The following BRD10 variants were observed in gnomAD, a reference collection of about 807,000 sequenced individuals.
BRD10 encodes the protein bromodomain containing 10.
chr9:5,968,504 G>A, the BRD10 span: 12 of 1,612,386 alleles, frequency 7.4e-6, no homozygotes, highest in South Asian at 2.2e-5. Flanking sequence ...AATTTCACAA[G>A]GCCTGCGAAT....
the BRD10 span, among the ~76,000 whole-genome samples, chr9:5,894,416 G>C: frequency 6.6e-6 from 1 of 152,308 alleles, no homozygotes; most frequent in Non-Finnish European, 1.5e-5. The surrounding 1 kb of genome is among the most constrained non-coding windows in gnomAD (Gnocchi z 4.0). Context: ...ACAGAATGCT[G>C]CTTCTACCCC....
the BRD10 span, among the ~76,000 whole-genome samples, chr9:5,902,719 T>C: frequency 4.6e-5 from 7 of 151,910 alleles, no homozygotes; most frequent in Admixed American, 4.6e-4. Flanking sequence ...GTTGCTCTGG[T>C]TGGTCTCAAA....
the BRD10 span, among the ~76,000 whole-genome samples, chr9:5,991,665 C>T: frequency 6.8e-6 from 1 of 147,156 alleles, no homozygotes; most frequent in Non-Finnish European, 1.5e-5. Flanking sequence ...GCGGAGGTTG[C>T]AGTGAGCCAA....
chr9:5,918,673 T>C, the BRD10 span, among the ~76,000 whole-genome samples: 1 of 150,776 alleles, frequency 6.6e-6, no homozygotes, highest in Non-Finnish European at 1.5e-5. Context: ...TTAGTGGCAT[T>C]AGTGGCAAAA....
chr9:5,912,358 G>A, the BRD10 span, among the ~76,000 whole-genome samples: 20 of 151,340 alleles, frequency 1.3e-4, no homozygotes, highest in South Asian at 8.3e-4. Flanking sequence ...TGAATGTCCC[G>A]TCTCTTGTCT....
At chr9:5,960,906 A>G in the BRD10 span, among the ~76,000 whole-genome samples, 1 of 152,218 alleles carries the variant, frequency 6.6e-6, no homozygotes, top group South Asian at 2.1e-4. Context: ...TTTATTGCCC[A>G]AAGATGTTCA....
chr9:5,926,293 G>C, the BRD10 span, among the ~76,000 whole-genome samples: 1 of 152,026 alleles, frequency 6.6e-6, no homozygotes, highest in African/African-American at 2.4e-5. Context: ...TCACTTACCA[G>C]TTGTAAGACT....
At chr9:5,975,825 A>G in the BRD10 span, among the ~76,000 whole-genome samples, 2 of 152,234 alleles carry the variant, frequency 1.3e-5, no homozygotes, top group Non-Finnish European at 1.5e-5. Context: ...TAAAAAATAC[A>G]TTATAAAAAC....
At chr9:5,921,249 T>C in the BRD10 span, 2 of 1,614,002 alleles carry the variant, frequency 1.2e-6, no homozygotes, top group Non-Finnish European at 1.7e-6. Flanking sequence ...GTATTTACAA[T>C]TGCTTGACCT....
At chr9:5,954,851 G>A in the BRD10 span, among the ~76,000 whole-genome samples, 872 of 152,218 alleles carry the variant, frequency 5.7e-3, 8 homozygotes, top group African/African-American at 0.02. Flanking sequence ...AGCACTTTGG[G>A]AGGCCAAGGC....
chr9:5,968,157 A>G, the BRD10 span: 28 of 1,597,834 alleles, frequency 1.8e-5, no homozygotes, highest in Non-Finnish European at 2.3e-5. Context: ...ACATCTTTCA[A>G]TTTCTTTTTT....
the BRD10 span, chr9:5,910,588 C>T: frequency 6.6e-6 from 1 of 152,272 alleles, no homozygotes; most frequent in Non-Finnish European, 1.5e-5. Context: ...CCCTACATCC[C>T]TCCAGAACCC....
the BRD10 span, among the ~76,000 whole-genome samples, chr9:5,887,152 A>T: frequency 6.6e-6 from 1 of 152,124 alleles, no homozygotes. Context: ...CCAGCTACTC[A>T]GGAGGCTGAG....
chr9:5,947,631 A>T, the BRD10 span, among the ~76,000 whole-genome samples: 2 of 152,064 alleles, frequency 1.3e-5, no homozygotes, highest in African/African-American at 2.4e-5. Flanking sequence ...ATATATACCC[A>T]ATATATAGAG....
the BRD10 span, among the ~76,000 whole-genome samples, chr9:5,894,701 G>C: frequency 4.6e-5 from 7 of 152,292 alleles, no homozygotes; most frequent in Admixed American, 4.6e-4. This position sits in a 1 kb window ranked among gnomAD's most constrained non-coding sequence, Gnocchi z 4.0. Context: ...CATTGCTGGG[G>C]TGATCCTGAC....
At chr9:5,990,540 G>A in the BRD10 span, among the ~76,000 whole-genome samples, 1 of 152,094 alleles carries the variant, frequency 6.6e-6, no homozygotes, top group Non-Finnish European at 1.5e-5. Flanking sequence ...AAGTAGATAA[G>A]ATAAAGGTAT....
At chr9:5,973,362 G>C in the BRD10 span, among the ~76,000 whole-genome samples, 3 of 152,156 alleles carry the variant, frequency 2.0e-5, no homozygotes, top group Non-Finnish European at 4.4e-5. Flanking sequence ...AGCTATTTAG[G>C]AGGCTGAGGC....
chr9:5,969,475 G>A, the BRD10 span: 2 of 1,293,594 alleles, frequency 1.5e-6, no homozygotes, highest in Admixed American at 2.9e-5. Flanking sequence ...ATTATTCAGA[G>A]GGTACCATAA....
At chr9:5,985,883 CA>C in the BRD10 span, among the ~76,000 whole-genome samples, 1 of 151,944 alleles carries the variant, frequency 6.6e-6, no homozygotes, top group African/African-American at 2.4e-5. Flanking sequence ...TCTTCTATAA[CA>C]GAAGTACAAG....
Sources: gnomAD v4.1 joint callset for allele counts (sites outside exome capture counted in the v4.1 genomes callset) on GRCh38, gnomAD v4.1.1 for gene constraint, Gnocchi (gnomAD v3.1) non-coding constraint, MANE v1.5 for transcripts, NCBI Gene and HGNC (gene_info 2026-07-23, HGNC 2026-07-21) for gene names.